NF1: variants seen among roughly 807,000 people sequenced by gnomAD.
NF1 encodes neurofibromin 1.
Under a neutral mutation model 325.7 loss-of-function variants are expected in NF1, and 122 were observed. That is an observed-to-expected ratio of 0.37 (90% CI 0.32 to 0.44). The LOEUF (loss-of-function observed/expected upper bound fraction) is 0.44. NF1 is among the 20% of genes least tolerant of loss of function. The pLI is 1.00. For synonymous variants in NF1, 1,091 were observed against 1,186.0 expected (o/e 0.92, Z 1.65); for missense variants, 2,140 against 3,415.4 (o/e 0.63, Z 9.31).
intron 36 of NF1, among the ~76,000 whole-genome samples, chr17:31,289,178 T>A (rs2068300620): frequency 6.6e-6 from 1 of 152,170 alleles, no homozygotes; most frequent in Non-Finnish European, 1.5e-5. Context: ...ACATGCAGCA[T>A]CTCTGAAAGC....
intron 36 of NF1, among the ~76,000 whole-genome samples, chr17:31,323,932 GTGT>G (rs2069278360): frequency 6.6e-6 from 1 of 152,010 alleles, no homozygotes. Context: ...TGAAATATTT[GTGT>G]TGTTTTAAAA....
Position 31,263,071 on chromosome 17 carries a change from A to G in NF1, c.4724+1214A>G, listed in dbSNP as rs4795588. On this transcript the variant is annotated intron_variant, in intron 35 of 57. Coordinates refer to ENST00000358273, the MANE Select transcript of NF1 (RefSeq NM_001042492.3). The stretch of plus-strand genomic sequence containing the variant: ...GGTAGGTAGGTAGGTAGGTAGGTAG[A>G]TAGATAGGTAGGTAGGTAGGTAGGT... Among the ~76,000 whole-genome samples, 800 of 136,258 alleles carry G rather than the reference A, an allele frequency of 5.9e-3. 1 individual carries two copies. The highest frequency in any genetic ancestry group is 0.015 in the African/African-American group (506 of 33,790). 89.4% of individuals were successfully genotyped at this position (136,258 alleles called of 152,430 possible).
At chr17:31,220,894 GT>G (rs2066910381) in intron 14 of NF1, among the ~76,000 whole-genome samples, 1 of 152,032 alleles carries the variant, frequency 6.6e-6, no homozygotes, top group South Asian at 2.1e-4. Context: ...AATTTGTGTT[GT>G]TTTTCCTTGA....
chr17:31,144,770 C>T (rs373763378), intron 1 of NF1, among the ~76,000 whole-genome samples: 1 of 152,154 alleles, frequency 6.6e-6, no homozygotes, highest in South Asian at 2.1e-4. Context: ...GGACTATGGC[C>T]TGGAACTACA....
At chr17:31,106,944 T>C (rs1051496084) in intron 1 of NF1, among the ~76,000 whole-genome samples, 3 of 152,250 alleles carry the variant, frequency 2.0e-5, no homozygotes, top group Non-Finnish European at 4.4e-5. Flanking sequence ...GGTTTTTATA[T>C]TCTAAGAACA....
chr17:31,335,274 T>TTATATATA (rs1172994332), intron 40 of NF1, among the ~76,000 whole-genome samples: 1 of 6,698 alleles, frequency 1.5e-4, no homozygotes, highest in Non-Finnish European at 3.9e-4. Flanking sequence ...CAAGGCATAA[T>TTATATATA]TATATATATA....
At chr17:31,216,608 C>T (rs2066823384) in intron 13 of NF1, among the ~76,000 whole-genome samples, 1 of 152,098 alleles carries the variant, frequency 6.6e-6, no homozygotes, top group Admixed American at 6.5e-5. Flanking sequence ...CATTTCTCCA[C>T]ACTGAAGTTA....
At chr17:31,201,976 G>A (rs1488882706) in intron 11 of NF1, among the ~76,000 whole-genome samples, 1 of 152,114 alleles carries the variant, frequency 6.6e-6, no homozygotes, top group Non-Finnish European at 1.5e-5. Context: ...TTCATTCATA[G>A]TGTAAAATTT....
rs371151718 is a variant in NF1, at chr17:31,350,300, A to G, written c.7439A>G (p.His2480Arg). Residue 2480 changes from histidine (H) to arginine (R), a missense_variant, in exon 50 of 58, where the codon CAT becomes CGT. Coordinates refer to ENST00000358273, the MANE Select transcript of NF1 (RefSeq NM_001042492.3). The stretch of plus-strand genomic sequence containing the variant: ...CCTATGGATACATATCCCATTCATC[A>G]TGGTGACCCTTCCTATAGGTAAGTG... Reference protein sequence around the residue: ...NVPMDTYPIHHGDPSYRTLKE... With the variant: ...NVPMDTYPIHRGDPSYRTLKE... The G allele has an allele frequency of 8.1e-6, 13 of 1,612,626 alleles. No homozygotes were observed. The highest frequency in any genetic ancestry group is 1.7e-5 in the Admixed American group (1 of 60,000).
rs1555534668 is a variant in NF1, at chr17:31,336,672, G to A, written c.6185G>A (p.Cys2062Tyr). ...GRMCKIIDKT[C>Y]LSPTPTLEQH... is the part of the protein sequence containing the mutation. ...ATGTGCAAAATAATTGACAAGACAT[G>A]CTTATCTCCAACTCCTACTTTAGAA... Residue 2062 changes from cysteine to tyrosine, a missense_variant, in exon 42 of 58, where the codon TGC (cysteine) becomes TAC (tyrosine). Cys to Tyr is a radical substitution (Grantham distance 194). Coordinates refer to ENST00000358273, the MANE Select transcript of NF1 (RefSeq NM_001042492.3). The surrounding 1 kb of genome is among the most constrained non-coding windows in gnomAD (Gnocchi z 5.5). 1 of 1,613,166 alleles carries A rather than the reference G, an allele frequency of 6.2e-7. No individual in the cohort carries two copies. The highest frequency in any genetic ancestry group is 8.5e-7 in the Non-Finnish European group (1 of 1,179,910).
intron 30 of NF1, chr17:31,249,974 T>C (rs751298830): frequency 1.0e-5 from 5 of 492,086 alleles, no homozygotes; most frequent in South Asian, 6.2e-5. Flanking sequence ...AGCCATTTGC[T>C]TTTTTAGCAC....
chr17:31,170,654 A>G (rs1199995727), intron 5 of NF1, among the ~76,000 whole-genome samples: 1 of 152,194 alleles, frequency 6.6e-6, no homozygotes, highest in Non-Finnish European at 1.5e-5. Flanking sequence ...GATCAGAAGG[A>G]ATTGAGATAT....
intron 1 of NF1, among the ~76,000 whole-genome samples, chr17:31,120,168 G>A (rs1914308766): frequency 6.6e-6 from 1 of 152,032 alleles, no homozygotes; most frequent in Non-Finnish European, 1.5e-5. Flanking sequence ...AGCTTGATGG[G>A]GATAGTATTG....
At position 31,358,740 on chromosome 17, in the gene NF1, C is replaced by A. The variant is rs535725936; in HGVS notation, c.8113+118C>A. ...ATAGACTTGTTCATACTTTTATTTC[C>A]ATATTCCATTTTTTTACTCTCTCAA... On this transcript the variant is annotated intron_variant, in intron 55 of 57. Coordinates refer to ENST00000358273, the MANE Select transcript of NF1 (RefSeq NM_001042492.3). 3.6e-6 allele frequency: 5 copies of A among 1,396,072 alleles called. No homozygotes were observed. In the African/African-American group the frequency reaches 5.7e-5, roughly 16 times the overall value. 86.5% of individuals were successfully genotyped at this position (1,396,072 alleles called of 1,614,324 possible). A position where few individuals can be genotyped will look rare whatever the true frequency, so the allele number is the denominator to read the frequency against.
chr17:31,201,241 T>A, intron 10 of NF1, 82 bp downstream of exon 10: 1 of 1,564,000 alleles, frequency 6.4e-7, no homozygotes, highest in South Asian at 1.1e-5. Context: ...GATTAATAGG[T>A]TCACTTTTAT....
In NF1 at chr17:31,377,620, A is replaced by G. The variant is rs1225605265; in HGVS notation, c.*3465A>G. On this transcript the variant is annotated 3_prime_UTR_variant, in exon 58 of 58. Transcript: ENST00000358273. ...CCTCACCCCATTTTCCTCCTTGTGT[A>G]TGTACTTCCCCCACCCCCCTTTTTT... is the stretch of plus-strand genomic sequence containing the variant. 8.6e-6 allele frequency: 2 copies of G among 231,766 alleles called. No homozygotes were observed. Among genetic ancestry groups the G allele is most frequent in the African/African-American group, 4.4e-5 (2 of 45,180 alleles). 14.4% of individuals were successfully genotyped at this position (231,766 alleles called of 1,614,324 possible). A position where few individuals can be genotyped will look rare whatever the true frequency, so the allele number is the denominator to read the frequency against.
At chr17:31,218,658 G>A (rs942766187) in intron 13 of NF1, among the ~76,000 whole-genome samples, 4 of 151,508 alleles carry the variant, frequency 2.6e-5, no homozygotes, top group African/African-American at 4.9e-5. Flanking sequence ...TGCAACCACC[G>A]CCTCCCAGCT....
chr17:31,353,179 G>C (rs1262115184), intron 51 of NF1, among the ~76,000 whole-genome samples: 1 of 152,172 alleles, frequency 6.6e-6, no homozygotes, highest in East Asian at 1.9e-4. Flanking sequence ...AAAGTGCTGA[G>C]ATTACAGGCA....
intron 1 of NF1, among the ~76,000 whole-genome samples, chr17:31,143,995 T>C (rs1020602636): frequency 8.6e-5 from 13 of 151,878 alleles, no homozygotes; most frequent in African/African-American, 3.1e-4. Context: ...CTAATTTTTG[T>C]TGTATTTTTA....
Sources: gnomAD v4.1 joint callset for allele counts (sites outside exome capture counted in the v4.1 genomes callset) on GRCh38, gnomAD v4.1.1 for gene constraint, Gnocchi (gnomAD v3.1) non-coding constraint, MANE v1.5 for transcripts, NCBI Gene and HGNC (gene_info 2026-07-23, HGNC 2026-07-21) for gene names.